The following CFAP20DC variants were observed in gnomAD, a reference collection of about 807,000 sequenced individuals.
CFAP20DC encodes protein CFAP20DC.
A neutral mutation model predicts 101.7 loss-of-function variants in CFAP20DC; 84 were observed. That is an observed-to-expected ratio of 0.83 (90% CI 0.69 to 0.99). CFAP20DC has a LOEUF of 0.99. Ranked by LOEUF, CFAP20DC falls within the 50% of genes least tolerant of loss-of-function variation. The pLI, the probability that CFAP20DC is intolerant of heterozygous loss-of-function variation, is 0.00. For missense variants in CFAP20DC, 1,007 were observed against 970.3 expected, an observed-to-expected ratio of 1.04 and a Z score of -0.50; for synonymous variants, 359 against 351.2, an observed-to-expected ratio of 1.02 and a Z score of -0.25.
In CFAP20DC at chr3:58,906,734, C is replaced by A. The variant is rs922015270; in HGVS notation, c.550+6974G>T. On this transcript the variant is annotated intron_variant, in intron 6 of 16. Coordinates refer to ENST00000482387, the MANE Select transcript of CFAP20DC (RefSeq NM_001394063.1). ...TTGAGTCTAGGAGTTCAAGACCAGC[C>A]TAGGGAACATAGTGATGCCCTGCCT... Among the ~76,000 whole-genome samples the A allele has an allele frequency of 2.6e-5, 4 of 152,040 alleles. No homozygotes were observed. The East Asian group carries it at 7.8e-4, about 29-fold the overall frequency.
intron 4 of CFAP20DC, among the ~76,000 whole-genome samples, chr3:59,029,543 G>A (rs553608195): frequency 2.0e-5 from 3 of 152,110 alleles, no homozygotes; most frequent in Non-Finnish European, 4.4e-5. Flanking sequence ...GCGTGAGGAA[G>A]CAAAGAAGCA....
intron 7 of CFAP20DC, among the ~76,000 whole-genome samples, chr3:58,879,696 T>C (rs1480385867): frequency 1.3e-5 from 2 of 152,054 alleles, no homozygotes; most frequent in Non-Finnish European, 2.9e-5. Flanking sequence ...ATAAATGCTG[T>C]GCTGAAAGTA....
intron 3 of CFAP20DC, among the ~76,000 whole-genome samples, chr3:59,044,692 AT>A (rs1203707405): frequency 1.3e-5 from 2 of 152,036 alleles, no homozygotes; most frequent in Non-Finnish European, 1.5e-5. Context: ...AAAGTGATTG[AT>A]TTTTTTAATA....
chr3:58,901,576 G>A (rs970250756), intron 6 of CFAP20DC, among the ~76,000 whole-genome samples: 9 of 152,184 alleles, frequency 5.9e-5, no homozygotes, highest in African/African-American at 2.2e-4. Flanking sequence ...CAAGTGCTAC[G>A]TAAGTGTTTA....
intron 10 of CFAP20DC, 116 bp downstream of exon 10, chr3:58,867,701 C>A: frequency 8.0e-7 from 1 of 1,248,716 alleles, no homozygotes. Flanking sequence ...GTAGAACAGA[C>A]ATTTATATTT....
At chr3:58,983,048 C>T (rs948609683) in intron 4 of CFAP20DC, among the ~76,000 whole-genome samples, 1 of 151,854 alleles carries the variant, frequency 6.6e-6, no homozygotes, top group African/African-American at 2.4e-5. Context: ...AAAGGAGAGC[C>T]AAAGTGGGGG....
intron 3 of CFAP20DC, 91 bp downstream of exon 3, chr3:59,046,135 CAGT>C: frequency 1.2e-6 from 1 of 815,430 alleles, no homozygotes; most frequent in Non-Finnish European, 1.9e-6. Flanking sequence ...AAATAGATGT[CAGT>C]AGAAGTCATA....
chr3:58,744,668 C>A (rs1041564437), intron 16 of CFAP20DC, among the ~76,000 whole-genome samples: 1 of 152,160 alleles, frequency 6.6e-6, no homozygotes, highest in South Asian at 2.1e-4. Context: ...TGGATTCAAG[C>A]ATATGAAGGG....
chr3:58,816,085 C>T (rs1559636414), intron 14 of CFAP20DC, among the ~76,000 whole-genome samples: 1 of 151,864 alleles, frequency 6.6e-6, no homozygotes, highest in East Asian at 1.9e-4. Flanking sequence ...GCATTATTCA[C>T]AATAGCAAAG....
At position 58,824,014 on chromosome 3, in the gene CFAP20DC, G is replaced by A. The variant is rs114044985; in HGVS notation, c.2175+7672C>T. 4.6e-3 allele frequency among the ~76,000 whole-genome samples: 705 copies of A among 152,194 alleles called. 5 individuals are homozygous for A. The highest frequency in any genetic ancestry group is 0.017 in the African/African-American group (689 of 41,522). ...ATAGTCACTAAACACAGAACAACTT[G>A]CACATTTCAATATTTCCTCCTGACA... is the stretch of plus-strand genomic sequence containing the variant. On this transcript the variant is annotated intron_variant, in intron 14 of 16. Transcript: ENST00000482387.
chr3:59,024,586 G>C (rs1000608680), intron 4 of CFAP20DC, among the ~76,000 whole-genome samples: 2 of 152,060 alleles, frequency 1.3e-5, no homozygotes, highest in Non-Finnish European at 2.9e-5. Flanking sequence ...CAAAGAGTCT[G>C]AGATATTTTT....
chr3:58,992,659 G>T, intron 4 of CFAP20DC: 1 of 613,576 alleles, frequency 1.6e-6, no homozygotes, highest in Non-Finnish European at 2.0e-6. Flanking sequence ...TTTGAAATTT[G>T]TTCAAATTTA....
intron 4 of CFAP20DC, among the ~76,000 whole-genome samples, chr3:58,983,571 C>A (rs1210601155): frequency 6.6e-6 from 1 of 152,088 alleles, no homozygotes. Context: ...ACTGCCTATT[C>A]TTATTCTACT....
At chr3:58,937,963 T>C (rs1487784173) in intron 4 of CFAP20DC, among the ~76,000 whole-genome samples, 1 of 152,226 alleles carries the variant, frequency 6.6e-6, no homozygotes, top group Admixed American at 6.5e-5. Context: ...AGCCTGAATG[T>C]ATAAATTCAC....
chr3:58,981,235 T>C (rs2092528665), intron 4 of CFAP20DC, among the ~76,000 whole-genome samples: 1 of 152,192 alleles, frequency 6.6e-6, no homozygotes, highest in Admixed American at 6.5e-5. Flanking sequence ...GAACATTCCA[T>C]GCTCATGGGT....
chr3:58,811,236 C>T (rs1320797795), intron 14 of CFAP20DC, among the ~76,000 whole-genome samples: 4 of 152,060 alleles, frequency 2.6e-5, no homozygotes, highest in East Asian at 1.9e-4. Flanking sequence ...AAAAAGAGCC[C>T]GCATTGCCAA....
intron 4 of CFAP20DC, among the ~76,000 whole-genome samples, chr3:58,948,391 G>C (rs1044438795): frequency 4.6e-5 from 7 of 152,194 alleles, no homozygotes; most frequent in Non-Finnish European, 5.9e-5. Flanking sequence ...TTATTGACTT[G>C]CTACAGCATG....
chr3:58,959,469 T>C (rs908676767), intron 4 of CFAP20DC, among the ~76,000 whole-genome samples: 1 of 152,218 alleles, frequency 6.6e-6, no homozygotes, highest in Non-Finnish European at 1.5e-5. Flanking sequence ...CTAAAATAAG[T>C]TTTATATATG....
At position 59,015,240 on chromosome 3, in the gene CFAP20DC, T is replaced by C. The variant is rs1273513713; in HGVS notation, c.278+24317A>G. On this transcript the variant is annotated intron_variant, in intron 4 of 16. Coordinates refer to ENST00000482387, the MANE Select transcript of CFAP20DC (RefSeq NM_001394063.1). This position sits in a 1 kb window ranked among gnomAD's most constrained non-coding sequence, Gnocchi z 5.4. ...TAGAACTAGCATTTACCATTTCCTG[T>C]GGCCCTCAGGCACCCACTTTCTCTT... Among the ~76,000 whole-genome samples the C allele has an allele frequency of 2.6e-5, 4 of 152,032 alleles. No homozygotes were observed. The highest frequency in any genetic ancestry group is 9.7e-5 in the African/African-American group (4 of 41,378).
Sources: allele counts gnomAD v4.1 joint callset (sites outside exome capture counted in the v4.1 genomes callset), GRCh38; gene constraint gnomAD v4.1.1; non-coding constraint Gnocchi (gnomAD v3.1); transcripts MANE v1.5; gene names NCBI Gene and HGNC (gene_info 2026-07-23, HGNC 2026-07-21).